HTR4: variants seen among roughly 807,000 people sequenced by gnomAD.
HTR4 encodes the protein 5-hydroxytryptamine receptor 4, also known as 5-hydroxytryptamine (serotonin) receptor 4, G protein-coupled.
A neutral mutation model predicts 36.8 loss-of-function variants in HTR4; 16 were observed. The observed-to-expected ratio is 0.43, with a 90% CI of 0.29 to 0.66. HTR4 has a LOEUF of 0.66. HTR4 is among the 30% of genes least tolerant of loss of function. The pLI is 0.13. For missense variants in HTR4, 438 were observed against 490.9 expected, an observed-to-expected ratio of 0.89 and a Z score of 1.02; for synonymous variants, 189 against 185.1, an observed-to-expected ratio of 1.02 and a Z score of -0.17.
At chr5:148,652,603 C>A (rs1292831326) in intron 1 of HTR4, among the ~76,000 whole-genome samples, 2 of 152,270 alleles carry the variant, frequency 1.3e-5, no homozygotes, top group South Asian at 2.1e-4. Flanking sequence ...TCAGAGGAAC[C>A]AGAGACACTA....
rs547409433 is a variant in HTR4 at position 148,566,326 on chromosome 5, T to A, written c.27-16064A>T. Among the ~76,000 whole-genome samples the A allele has an allele frequency of 8.5e-5, 13 of 152,286 alleles. No individual in the cohort carries two copies. In the East Asian group the frequency reaches 1.9e-3, roughly 23 times the overall value. The stretch of plus-strand genomic sequence containing the variant: ...TGAAAGATTAATTTGTGACCTTTTT[T>A]AAAAAATTACAAAAATACTAGAAGA... On this transcript the variant is annotated intron_variant, in intron 2 of 6. Coordinates refer to ENST00000377888, the MANE Select transcript of HTR4 (RefSeq NM_000870.7).
In HTR4 at chr5:148,637,139, A is replaced by G; in HGVS notation, c.-47-78T>C. 4 of 888,652 alleles carry G rather than the reference A, an allele frequency of 4.5e-6. No individual in the cohort carries two copies. In the South Asian group the frequency reaches 4.6e-5, roughly 10 times the overall value. 55.0% of individuals were successfully genotyped at this position (888,652 alleles called of 1,614,324 possible). A position where few individuals can be genotyped will look rare whatever the true frequency, so the allele number is the denominator to read the frequency against. On this transcript the variant is annotated intron_variant, in intron 1 of 6. Transcript: ENST00000377888. ...ACAAGTCCTTGTTTTAAAAAACTCA[A>G]ATAACTATTGCTTCCTATTATGACT...
At chr5:148,460,815 G>C (rs1755258557) in intron 5 of HTR4, among the ~76,000 whole-genome samples, 1 of 152,056 alleles carries the variant, frequency 6.6e-6, no homozygotes, top group Non-Finnish European at 1.5e-5. Flanking sequence ...TAGCAATAAT[G>C]TATTAATTAT....
chr5:148,620,198 T>C (rs1752864418), intron 2 of HTR4, among the ~76,000 whole-genome samples: 2 of 152,174 alleles, frequency 1.3e-5, no homozygotes, highest in South Asian at 4.1e-4. Context: ...GGAAGAAAAG[T>C]CAGAGGTTGA....
chr5:148,459,774 A>C (rs535846971), intron 5 of HTR4, among the ~76,000 whole-genome samples: 3 of 152,286 alleles, frequency 2.0e-5, no homozygotes, highest in African/African-American at 4.8e-5. Flanking sequence ...AACAAAAAAA[A>C]CCACACAGTT....
intron 5 of HTR4, among the ~76,000 whole-genome samples, chr5:148,470,236 C>CTA: frequency 1.3e-5 from 2 of 152,250 alleles, no homozygotes; most frequent in South Asian, 4.1e-4. Context: ...TAAATATTTA[C>CTA]TATATATAAG....
chr5:148,508,882 C>T (rs902560760), intron 6 of HTR4, among the ~76,000 whole-genome samples: 2 of 151,818 alleles, frequency 1.3e-5, no homozygotes, highest in Non-Finnish European at 2.9e-5. Flanking sequence ...CTCTACTCAT[C>T]AGAAAACACA....
downstream of HTR4, among the ~76,000 whole-genome samples, chr5:148,476,306 C>T (rs1358975537): frequency 1.3e-5 from 2 of 152,232 alleles, no homozygotes; most frequent in African/African-American, 4.8e-5. Context: ...CAGTCCGCTT[C>T]ATCACAACTT....
intron 6 of HTR4, among the ~76,000 whole-genome samples, chr5:148,504,756 T>C (rs1046455038): frequency 2.0e-5 from 3 of 151,704 alleles, no homozygotes; most frequent in African/African-American, 7.3e-5. Flanking sequence ...GCAAGACTAA[T>C]AAAGAAGAAA....
chr5:148,497,670 T>C (rs1373861063), intron 6 of HTR4, among the ~76,000 whole-genome samples: 2 of 152,154 alleles, frequency 1.3e-5, no homozygotes, highest in Non-Finnish European at 2.9e-5. Context: ...AAGACAGATA[T>C]TGGTGGGTGG....
intron 4 of HTR4, among the ~76,000 whole-genome samples, chr5:148,543,217 T>C (rs1297658514): frequency 3.3e-5 from 5 of 151,888 alleles, no homozygotes; most frequent in South Asian, 2.1e-4. Context: ...ATGGACAGCA[T>C]AGGGACAAAG....
downstream of HTR4, among the ~76,000 whole-genome samples, chr5:148,475,628 T>C (rs1186857611): frequency 1.3e-5 from 2 of 152,220 alleles, no homozygotes; most frequent in East Asian, 3.9e-4. Flanking sequence ...CTTCTCAGAT[T>C]AGACAACTGG....
chr5:148,510,288 A>G (rs1241681854), intron 5 of HTR4, among the ~76,000 whole-genome samples: 1 of 152,208 alleles, frequency 6.6e-6, no homozygotes, highest in Non-Finnish European at 1.5e-5. Context: ...AACCTTGATG[A>G]CAGAAAAGGA....
intron 2 of HTR4, among the ~76,000 whole-genome samples, chr5:148,635,827 A>C (rs1028780217): frequency 6.6e-6 from 1 of 152,190 alleles, no homozygotes; most frequent in Non-Finnish European, 1.5e-5. Flanking sequence ...GTCTGGCACC[A>C]GCCTAAATAA....
At chr5:148,451,111 A>T in exon 6 of HTR4, 2 of 1,603,952 alleles carry the variant, frequency 1.2e-6, no homozygotes, top group Non-Finnish European at 1.7e-6. Flanking sequence ...TGAGGTTCAG[A>T]AGTGATGCCA....
chr5:148,491,559 C>T (rs550245591), intron 6 of HTR4, among the ~76,000 whole-genome samples: 3 of 152,108 alleles, frequency 2.0e-5, no homozygotes, highest in Admixed American at 6.5e-5. Flanking sequence ...CATGCATTGT[C>T]GGATGATTAG....
At chr5:148,503,297 G>T (rs1374980041) in intron 6 of HTR4, among the ~76,000 whole-genome samples, 1 of 152,178 alleles carries the variant, frequency 6.6e-6, no homozygotes, top group African/African-American at 2.4e-5. Flanking sequence ...GGATCTCTCC[G>T]CAGAAACTCT....
intron 5 of HTR4, among the ~76,000 whole-genome samples, chr5:148,457,595 G>C (rs1386389233): frequency 1.3e-5 from 2 of 149,220 alleles, no homozygotes; most frequent in Non-Finnish European, 3.0e-5. Flanking sequence ...TGAGGAGGGA[G>C]GTTTGCTAGA....
At chr5:148,640,145 C>T (rs1753679212) in intron 1 of HTR4, among the ~76,000 whole-genome samples, 1 of 152,160 alleles carries the variant, frequency 6.6e-6, no homozygotes, top group Non-Finnish European at 1.5e-5. Flanking sequence ...CGAGCTTTAG[C>T]TTACATCATT....
Sources: allele counts gnomAD v4.1 joint callset (sites outside exome capture counted in the v4.1 genomes callset), GRCh38; gene constraint gnomAD v4.1.1; transcripts MANE v1.5; gene names NCBI Gene and HGNC (gene_info 2026-07-23, HGNC 2026-07-21).